Variants in SFTPB observed in about 807,000 individuals in gnomAD.
The protein encoded by SFTPB is pulmonary surfactant-associated protein B.
A neutral mutation model predicts 51.0 loss-of-function variants in SFTPB; 32 were observed. The ratio of observed to expected loss-of-function variants is 0.63; its 90% CI spans 0.47 to 0.84. The LOEUF (loss-of-function observed/expected upper bound fraction) is 0.84. Ranked by LOEUF, SFTPB falls within the 40% of genes least tolerant of loss-of-function variation. The probability of loss-of-function intolerance (pLI) is 0.00; values close to 1 mark genes in which losing one functional copy is unlikely to be tolerated. For missense variants in SFTPB, 431 were observed against 491.2 expected, an observed-to-expected ratio of 0.88 and a Z score of 1.16; for synonymous variants, 211 against 208.5, an observed-to-expected ratio of 1.01 and a Z score of -0.10.
At chr2:85,666,210 GTGTGC>G (rs1265488398) in intron 4 of SFTPB, among the ~76,000 whole-genome samples, 3 of 127,768 alleles carry the variant, frequency 2.3e-5, no homozygotes, top group African/African-American at 9.7e-5. Flanking sequence ...GGTGCTGTGT[GTGTGC>G]TGTGTGTGTG....
intron 9 of SFTPB, 60 bp downstream of exon 9, chr2:85,661,969 A>T: frequency 2.0e-6 from 3 of 1,522,962 alleles, no homozygotes; most frequent in Middle Eastern, 2.1e-4. Context: ...ACGGGCCCAA[A>T]GGGTGGGGGC....
At position 85,665,724 on chromosome 2, in the gene SFTPB, C is replaced by T; in HGVS notation, c.464G>A (p.Gly155Glu). ...SRQPEPEQEP[G>E]MSDPLPKPLR... is the part of the protein sequence containing the mutation. ...AGGTTTGGGCAGGGGGTCTGACATCCCTGGCTCCTGCTCTGGCTCTGGCTG... is the reference window on the plus strand; with the variant it reads ...AGGTTTGGGCAGGGGGTCTGACATCTCTGGCTCCTGCTCTGGCTCTGGCTG... The change falls in exon 5 of 11, where the codon GGG becomes GAG. Residue 155 changes from glycine to glutamate, a missense_variant. Transcript: ENST00000519937. The T allele has an allele frequency of 6.2e-7, 1 of 1,614,214 alleles. No individual in the cohort carries two copies. The highest frequency in any genetic ancestry group is 8.5e-7 in the Non-Finnish European group (1 of 1,180,040).
Position 85,668,190 on chromosome 2 carries a change from T to C in SFTPB, c.-7A>G. On this transcript the variant is annotated 5_prime_UTR_variant, in exon 1 of 11. Transcript: ENST00000519937. The stretch of plus-strand genomic sequence containing the variant: ...GCAGGTGTGACTCAGCCATGGCACC[T>C]CTGCAGCCTGGGTACCCTGCTTGGT... The C allele has an allele frequency of 6.4e-7, 1 of 1,551,248 alleles. No homozygotes were observed. The highest frequency in any genetic ancestry group is 8.7e-7 in the Non-Finnish European group (1 of 1,146,812).
intron 8 of SFTPB, 197 bp from the exon 9 acceptor site, chr2:85,662,306 A>T: frequency 2.1e-6 from 3 of 1,438,520 alleles, no homozygotes; most frequent in Non-Finnish European, 2.8e-6. Flanking sequence ...CCATCAGAAA[A>T]GCAGGCGACA....
intron 10 of SFTPB, chr2:85,661,135 C>T: frequency 3.4e-6 from 1 of 290,358 alleles, no homozygotes; most frequent in South Asian, 3.4e-5. Context: ...ACATTGAACC[C>T]TGAGGGCCAG....
At chr2:85,662,227 C>A (rs1677343882) in intron 8 of SFTPB, 118 bp from the exon 9 acceptor site, 5 of 1,534,302 alleles carry the variant, frequency 3.3e-6, no homozygotes, top group Non-Finnish European at 4.4e-6. Context: ...CCTCCATCAG[C>A]CCTCACGGAA....
chr2:85,663,421 G>A lies in SFTPB; in HGVS notation c.927C>T (p.Ala309=), dbSNP rs1212092030. 2.0e-5 allele frequency: 32 copies of A among 1,613,854 alleles called. No individual in the cohort carries two copies. The highest frequency in any genetic ancestry group is 1.8e-4 in the East Asian group (8 of 44,892). ...CHLCMSVTTQ[A]GNSSEQAIPQ... ...GTATGGCCTGCTCGCTGCTGTTCCC[G>A]GCCTGGGTGGTCACGGACATGCAGA... Residue 309 remains alanine, a synonymous_variant, in exon 8 of 11, where the codon GCC becomes GCT. Transcript: ENST00000519937.
intron 2 of SFTPB, 117 bp downstream of exon 2, chr2:85,667,561 TC>T: frequency 7.8e-7 from 1 of 1,279,160 alleles, no homozygotes. Flanking sequence ...TTTCATCTCA[TC>T]CCATTTCATC....
intron 4 of SFTPB, 49 bp downstream of exon 4, chr2:85,666,568 C>G: frequency 1.9e-6 from 3 of 1,601,866 alleles, no homozygotes; most frequent in Non-Finnish European, 1.7e-6. Flanking sequence ...TGGGTGGGCA[C>G]AGGGGCCTGC....
rs1453619820 is a variant in SFTPB, at chr2:85,663,955, T to G, written c.673-108A>C. 10 of 1,063,636 alleles carry G rather than the reference T, an allele frequency of 9.4e-6. No individual in the cohort carries two copies. The East Asian group carries it at 2.6e-4, about 28-fold the overall frequency. 65.9% of individuals were successfully genotyped at this position (1,063,636 alleles called of 1,614,324 possible). A position where few individuals can be genotyped will look rare whatever the true frequency, so the allele number is the denominator to read the frequency against. ...TCCTACGCATTCCCTCATTCTCTTC[T>G]AGAAGGGAGGGCAAGGCTATTCACA... On this transcript the variant is annotated intron_variant, in intron 6 of 10. Transcript: ENST00000519937.
intron 4 of SFTPB, among the ~76,000 whole-genome samples, chr2:85,666,189 T>TGTGTCC (rs1553380978): frequency 6.9e-6 from 1 of 145,226 alleles, no homozygotes; most frequent in African/African-American, 2.7e-5. Context: ...TGTGTGTGTG[T>TGTGTCC]GGCCAGCTGG....
chr2:85,668,514 T>A (rs1430263723), upstream of SFTPB, among the ~76,000 whole-genome samples: 1 of 152,044 alleles, frequency 6.6e-6, no homozygotes, highest in African/African-American at 2.4e-5. Flanking sequence ...GTGGAGGGCA[T>A]CTGGTTGGGG....
In SFTPB at chr2:85,666,700, G is replaced by T; in HGVS notation, c.310C>A (p.Pro104Thr). Residue 104 changes from proline (P) to threonine (T), a missense_variant, in exon 4 of 11, where the codon CCC becomes ACC. Coordinates refer to ENST00000519937, the MANE Select transcript of SFTPB (RefSeq NM_000542.5). ...CACTGGGGCATGAGCAGCTTCAAGG[G>T]GAGGACGTTGCACTCCTGCTCCAGG... The part of the protein sequence containing the change: ...KFLEQECNVL[P>T]LKLLMPQCNQ... 1.9e-6 allele frequency: 3 copies of T among 1,613,846 alleles called. No homozygotes were observed. The highest frequency in any genetic ancestry group is 2.5e-6 in the Non-Finnish European group (3 of 1,179,858).
At position 85,659,512 on chromosome 2, in the gene SFTPB, T is replaced by TG. The variant is rs2104387797; in HGVS notation, c.*189dup. ...GAGACAGACAAGGCCGACACAGGGC[T>TG]GGGGGCCCGTGGTCCACCAGTGGAA... On this transcript the variant is annotated 3_prime_UTR_variant, in exon 11 of 11. Coordinates refer to ENST00000519937, the MANE Select transcript of SFTPB (RefSeq NM_000542.5). 6.6e-6 allele frequency: 1 copy of TG among 152,422 alleles called. No homozygotes were observed. The highest frequency in any genetic ancestry group is 1.9e-4 in the East Asian group (1 of 5,180). 9.4% of individuals were successfully genotyped at this position (152,422 alleles called of 1,614,324 possible). A position where few individuals can be genotyped will look rare whatever the true frequency, so the allele number is the denominator to read the frequency against.
At position 85,660,288 on chromosome 2, in the gene SFTPB, A is replaced by ATTTTT. The variant is rs60518418; in HGVS notation, c.*20-611_*20-607dup. On this transcript the variant is annotated intron_variant, in intron 10 of 10. Transcript: ENST00000519937. ...AGGTGTGTGCCACCACATCTGGCTA[A>ATTTTT]TTTTTTTTTTTTTTTTTTTTTTTTT... 7.4e-5 allele frequency among the ~76,000 whole-genome samples: 6 copies of ATTTTT among 80,560 alleles called. 1 individual carries two copies. Among genetic ancestry groups the ATTTTT allele is most frequent in the African/African-American group, 2.4e-4 (4 of 16,810 alleles). 52.9% of individuals were successfully genotyped at this position (80,560 alleles called of 152,430 possible).
rs34809325 is a variant in SFTPB at position 85,666,160 on chromosome 2, T to A, written c.394-366A>T. 4.9e-3 allele frequency among the ~76,000 whole-genome samples: 733 copies of A among 148,426 alleles called. 6 individuals are homozygous for A. Among genetic ancestry groups the A allele is most frequent in the Non-Finnish European group, 5.5e-3 (372 of 67,452 alleles). ...AGGGCACGTAGTTTCCTAGGCCCTT[T>A]GTGGACAGGGTGTGTGTGTGTGTGT... On this transcript the variant is annotated intron_variant, in intron 4 of 10. Coordinates refer to ENST00000519937, the MANE Select transcript of SFTPB (RefSeq NM_000542.5).
intron 10 of SFTPB, among the ~76,000 whole-genome samples, chr2:85,660,325 G>A (rs1677225560): frequency 6.9e-6 from 1 of 144,794 alleles, no homozygotes; most frequent in South Asian, 2.2e-4. Context: ...AGTAGATACG[G>A]GGTTTCATCA....
chr2:85,662,243 C>G (rs1677344611), intron 8 of SFTPB, 134 bp from the exon 9 acceptor site: 2 of 1,521,088 alleles, frequency 1.3e-6, no homozygotes, highest in Non-Finnish European at 8.9e-7. Flanking sequence ...CGGAACACCT[C>G]TGGCTGCAGT....
In SFTPB at chr2:85,665,784, C is replaced by A. The variant is rs1289542876; in HGVS notation, c.404G>T (p.Gly135Val). Reference sequence around the variant, plus strand: ...GCACAGGCCCAGGTGCATACAGATGCCGTTTGAGTCCTGGGGCACAGCACA... The same window carrying A: ...GCACAGGCCCAGGTGCATACAGATGACGTTTGAGTCCTGGGGCACAGCACA... ...DYFQNQTDSN[G>V]ICMHLGLCKS... Residue 135 changes from glycine to valine, a missense_variant, in exon 5 of 11, where the codon GGC becomes GTC. Physicochemically the swap from Gly to Val is moderately radical, Grantham distance 109. Transcript: ENST00000519937. The A allele has an allele frequency of 6.2e-7, 1 of 1,614,012 alleles. No homozygotes were observed. Among genetic ancestry groups the A allele is most frequent in the African/African-American group, 1.3e-5 (1 of 74,912 alleles).
Sources: gnomAD v4.1 joint callset for allele counts (sites outside exome capture counted in the v4.1 genomes callset) on GRCh38, gnomAD v4.1.1 for gene constraint, MANE v1.5 for transcripts, NCBI Gene and HGNC (gene_info 2026-07-23, HGNC 2026-07-21) for gene names.